The following UBE4A variants were observed in gnomAD, a reference collection of about 807,000 sequenced individuals.
UBE4A encodes ubiquitination factor E4A.
UBE4A carries 48 observed loss-of-function variants against 117.9 expected under a neutral mutation model. That is an observed-to-expected ratio of 0.41 (90% CI 0.32 to 0.52). The LOEUF is 0.52. Ranked by LOEUF, UBE4A falls within the 20% of genes least tolerant of loss-of-function variation. UBE4A has a pLI of 0.33. For synonymous variants in UBE4A, 407 were observed against 450.0 expected (o/e 0.90, Z 1.21); for missense variants, 1,067 against 1,296.3 (o/e 0.82, Z 2.72).
chr11:118,376,611 G>A lies in UBE4A; in HGVS notation c.1488G>A (p.Gln496=), dbSNP rs1948654727. The change falls in exon 10 of 20, where the codon CAG becomes CAA. Residue 496 remains glutamine (Q), a synonymous_variant. Transcript: ENST00000252108. Reference sequence around the variant, plus strand: ...AAACCTGTTTGATCCCAGCTGTGCAGGAGCCGAAGTTTCCACAGAACTACA... The same window carrying A: ...AAACCTGTTTGATCCCAGCTGTGCAAGAGCCGAAGTTTCCACAGAACTACA... ...DKETCLIPAV[Q]EPKFPQNYNL... is the part of the protein sequence containing the mutation. 6.2e-7 allele frequency: 1 copy of A among 1,613,966 alleles called. No homozygotes were observed. Among genetic ancestry groups the A allele is most frequent in the African/African-American group, 1.3e-5 (1 of 74,972 alleles).
chr11:118,389,979 G>T, intron 17 of UBE4A, 74 bp downstream of exon 17: 1 of 1,370,866 alleles, frequency 7.3e-7, no homozygotes, highest in Non-Finnish European at 9.8e-7. Flanking sequence ...AGAATGACTG[G>T]TTGGTAATTA....
intron 2 of UBE4A, among the ~76,000 whole-genome samples, chr11:118,367,547 G>A (rs1393705548): frequency 7.3e-6 from 1 of 136,854 alleles, no homozygotes; most frequent in East Asian, 2.2e-4. Flanking sequence ...TTGAGACGAA[G>A]TCTTGCTCTG....
intron 19 of UBE4A, among the ~76,000 whole-genome samples, chr11:118,394,590 G>A (rs1948851140): frequency 6.6e-6 from 1 of 152,066 alleles, no homozygotes. Context: ...GGCCAACATG[G>A]TGAAACCCCG....
chr11:118,361,778 T>C (rs1239569646), intron 1 of UBE4A, among the ~76,000 whole-genome samples: 1 of 152,276 alleles, frequency 6.6e-6, no homozygotes, highest in South Asian at 2.1e-4. Flanking sequence ...TACCTTGAAG[T>C]AGGGTCATGG....
chr11:118,394,726 A>G (rs1478234199), intron 19 of UBE4A, among the ~76,000 whole-genome samples: 1 of 151,632 alleles, frequency 6.6e-6, no homozygotes, highest in Non-Finnish European at 1.5e-5. Flanking sequence ...GTGAGCCAAG[A>G]TCACACCACC....
At chr11:118,373,403 G>T in intron 7 of UBE4A, 91 bp from the exon 8 acceptor site, 1 of 1,523,576 alleles carries the variant, frequency 6.6e-7, no homozygotes, top group Non-Finnish European at 8.9e-7. Context: ...TAGCTTGGTT[G>T]TTGTATCAAC....
At chr11:118,384,532 C>A in intron 13 of UBE4A, 103 bp from the exon 14 acceptor site, 2 of 1,043,484 alleles carry the variant, frequency 1.9e-6, no homozygotes, top group Non-Finnish European at 2.8e-6. Context: ...AGCCTTAACA[C>A]ACTCAAAAGC....
intron 16 of UBE4A, among the ~76,000 whole-genome samples, chr11:118,388,192 A>G (rs1018178025): frequency 9.2e-5 from 14 of 152,268 alleles, no homozygotes; most frequent in African/African-American, 3.1e-4. Context: ...CTATATATTG[A>G]GGGCATCTGT....
intron 1 of UBE4A, 21 bp downstream of exon 1, chr11:118,359,695 A>T (rs1948504772): frequency 6.6e-6 from 1 of 152,112 alleles, no homozygotes; most frequent in South Asian, 2.1e-4. Context: ...CAATAGCTTC[A>T]GGGGACGGGG....
At chr11:118,363,555 T>G (rs537321789) in intron 1 of UBE4A, among the ~76,000 whole-genome samples, 1 of 151,240 alleles carries the variant, frequency 6.6e-6, no homozygotes, top group African/African-American at 2.4e-5. Flanking sequence ...AGAAATGTTA[T>G]AAATAATCTC....
chr11:118,393,638 A>C (rs140967993), intron 19 of UBE4A, among the ~76,000 whole-genome samples: 2 of 151,290 alleles, frequency 1.3e-5, no homozygotes, highest in Non-Finnish European at 2.9e-5. Flanking sequence ...CTCTGTCACC[A>C]AGGCTAGAGT....
chr11:118,366,108 A>G (rs888628783), intron 2 of UBE4A, among the ~76,000 whole-genome samples: 1 of 151,008 alleles, frequency 6.6e-6, no homozygotes, highest in East Asian at 1.9e-4. Context: ...TTGGCCTTTC[A>G]GTTAGAAAGG....
At position 118,390,810 on chromosome 11, in the gene UBE4A, G is replaced by A. The variant is rs1948808386; in HGVS notation, c.2916+6G>A. 21 of 1,609,494 alleles carry A rather than the reference G, an allele frequency of 1.3e-5. No homozygotes were observed. The highest frequency in any genetic ancestry group is 1.8e-5 in the Non-Finnish European group (21 of 1,177,294). Reference sequence around the variant, plus strand: ...ACTTGGCAGAGAGAATCAAGGTGAGGAAGAGGAGGAATTGTTTGCTGATTT... The same window carrying A: ...ACTTGGCAGAGAGAATCAAGGTGAGAAAGAGGAGGAATTGTTTGCTGATTT... On this transcript the variant is annotated splice_donor_region_variant and intron_variant, in intron 18 of 19. Coordinates refer to ENST00000252108, the MANE Select transcript of UBE4A (RefSeq NM_001204077.2).
chr11:118,363,035 TC>T (rs1473940975), intron 1 of UBE4A, among the ~76,000 whole-genome samples: 1 of 152,180 alleles, frequency 6.6e-6, no homozygotes, highest in Non-Finnish European at 1.5e-5. Flanking sequence ...CTTTTTGCAT[TC>T]CTCTGGAATT....
At chr11:118,380,335 C>T (rs1948693797) in intron 11 of UBE4A, among the ~76,000 whole-genome samples, 1 of 152,010 alleles carries the variant, frequency 6.6e-6, no homozygotes, top group Non-Finnish European at 1.5e-5. Context: ...GTAATCCCAG[C>T]ACTTTGGGAG....
At chr11:118,378,743 C>T (rs1293830406) in intron 10 of UBE4A, 1 of 152,066 alleles carries the variant, frequency 6.6e-6, no homozygotes, top group Non-Finnish European at 1.5e-5. Flanking sequence ...TAGATTCAAA[C>T]AAAAAATGAA....
At chr11:118,376,251 A>G (rs1443183778) in intron 9 of UBE4A, among the ~76,000 whole-genome samples, 2 of 152,258 alleles carry the variant, frequency 1.3e-5, no homozygotes, top group Non-Finnish European at 2.9e-5. Context: ...CCAGTTTTAT[A>G]ATTCTAATTG....
rs1000466505 is a variant in UBE4A at position 118,372,823 on chromosome 11, T to G, written c.721+157T>G. On this transcript the variant is annotated intron_variant, in intron 6 of 19. Coordinates refer to ENST00000252108, the MANE Select transcript of UBE4A (RefSeq NM_001204077.2). ...TCTTTGAGGTTGAGTACCAATAGAA[T>G]AAAGCTGGGCATGGTAGCACACCCC... is the stretch of plus-strand genomic sequence containing the variant. 5.2e-6 allele frequency: 6 copies of G among 1,149,688 alleles called. No homozygotes were observed. In the African/African-American group the frequency reaches 7.9e-5, roughly 15 times the overall value. 71.2% of individuals were successfully genotyped at this position (1,149,688 alleles called of 1,614,324 possible).
At position 118,376,679 on chromosome 11, in the gene UBE4A, A is replaced by C; in HGVS notation, c.1556A>C (p.Tyr519Ser). Residue 519 changes from tyrosine (Y) to serine (S), a missense_variant, in exon 10 of 20, where the codon TAC becomes TCC. Physicochemically the swap from Tyr to Ser is moderately radical, Grantham distance 144 (BLOSUM62 -2). This residue lies in a region of UBE4A where 1,001 missense variants were observed against 1,184.0 expected (regional missense o/e 0.85). Transcript: ENST00000252108. ...ENLALTEYTL[Y>S]LGFHRLHDQM... ...CTTGCTCTGACAGAGTACACCTTGT[A>C]CTTGGGATTTCACAGGTAACTCCTC... 1.2e-6 allele frequency: 2 copies of C among 1,613,812 alleles called. No homozygotes were observed. The highest frequency in any genetic ancestry group is 1.7e-6 in the Non-Finnish European group (2 of 1,179,898).
Sources: allele counts gnomAD v4.1 joint callset (sites outside exome capture counted in the v4.1 genomes callset), GRCh38; gene constraint gnomAD v4.1.1; regional missense constraint gnomAD v4.1.1; transcripts MANE v1.5; gene names NCBI Gene and HGNC (gene_info 2026-07-23, HGNC 2026-07-21).